CDYL2: variants seen among roughly 807,000 people sequenced by gnomAD.
The protein encoded by CDYL2 is chromodomain Y like 2.
A neutral mutation model predicts 49.4 loss-of-function variants in CDYL2; 23 were observed. The observed-to-expected ratio is 0.47, with a 90% confidence interval of 0.34 to 0.66. The LOEUF (loss-of-function observed/expected upper bound fraction) is 0.66, where lower values mean the gene tolerates loss of function less well. Among genes scored for constraint, CDYL2 ranks in the 30% least tolerant of loss-of-function variants. CDYL2 has a pLI of 0.01. For missense variants in CDYL2, 678 were observed against 656.4 expected, an observed-to-expected ratio of 1.03 and a Z score of -0.36; for synonymous variants, 360 against 268.8, an observed-to-expected ratio of 1.34 and a Z score of -3.32.
chr16:80,682,457 G>T (rs66633157), intron 2 of CDYL2, among the ~76,000 whole-genome samples: 7,133 of 152,286 alleles, frequency 0.047, 334 homozygotes, highest in African/African-American at 0.12. Flanking sequence ...AAAGCCGAAG[G>T]GTGAAGAGCA....
chr16:80,664,786 G>A (rs1421139125), intron 2 of CDYL2, among the ~76,000 whole-genome samples: 2 of 152,034 alleles, frequency 1.3e-5, no homozygotes, highest in East Asian at 1.9e-4. Flanking sequence ...ATAGACTGTA[G>A]GCAAGCTATT....
chr16:80,715,294 T>C (rs139491140), intron 1 of CDYL2, among the ~76,000 whole-genome samples: 3,016 of 152,240 alleles, frequency 0.02, 28 homozygotes, highest in African/African-American at 0.03. Flanking sequence ...GGAATCCTTG[T>C]GGGACCCGGA....
At chr16:80,655,162 T>C (rs548993388) in intron 2 of CDYL2, among the ~76,000 whole-genome samples, 4 of 152,328 alleles carry the variant, frequency 2.6e-5, no homozygotes, top group Admixed American at 2.0e-4. Flanking sequence ...GTGTCAATTA[T>C]TGAACAGTCT....
Position 80,604,527 on chromosome 16 carries a change from C to G in CDYL2, c.1382G>C (p.Cys461Ser), listed in dbSNP as rs1351166719. Residue 461 changes from cysteine to serine, a missense_variant, in exon 7 of 7, where the codon TGC becomes TCC. Cys to Ser is a moderately radical substitution (Grantham distance 112). Coordinates refer to ENST00000570137, the MANE Select transcript of CDYL2 (RefSeq NM_152342.4). ...CSAVVLEESK[C>S]LVRSFLKSVL... ...TGATTTCAGGAAGCTCCGCACGAGG[C>G]ATTTGGACTCCTCTAACACCTAGAG... is the stretch of plus-strand genomic sequence containing the variant. 3 of 1,614,108 alleles carry G rather than the reference C, an allele frequency of 1.9e-6. No individual in the cohort carries two copies. The highest frequency in any genetic ancestry group is 2.7e-5 in the African/African-American group (2 of 74,942).
intron 3 of CDYL2, among the ~76,000 whole-genome samples, chr16:80,632,383 G>C (rs946680154): frequency 6.6e-6 from 1 of 152,244 alleles, no homozygotes; most frequent in African/African-American, 2.4e-5. Flanking sequence ...GAGACAGAAA[G>C]TAGATGAGTG....
chr16:80,773,181 C>T (rs1263299425), intron 1 of CDYL2, among the ~76,000 whole-genome samples: 1 of 151,858 alleles, frequency 6.6e-6, no homozygotes, highest in Non-Finnish European at 1.5e-5. Context: ...TTTTTTAAAA[C>T]AAAAAGTTTA....
At chr16:80,611,119 A>G (rs1403676295) in intron 5 of CDYL2, among the ~76,000 whole-genome samples, 2 of 152,034 alleles carry the variant, frequency 1.3e-5, no homozygotes, top group Non-Finnish European at 2.9e-5. Context: ...CGTCTGTTCA[A>G]ATGTCACCTG....
At position 80,602,857 on chromosome 16, in the gene CDYL2, A is replaced by C. The variant is rs977949607; in HGVS notation, c.*1531T>G. On this transcript the variant is annotated 3_prime_UTR_variant, in exon 7 of 7. Transcript: ENST00000570137. Reference sequence around the variant, plus strand: ...TTCTGGGTGCTTGACCCATGGTTTAAACCTCACGCAGAACACATCCCTTCC... The same window carrying C: ...TTCTGGGTGCTTGACCCATGGTTTACACCTCACGCAGAACACATCCCTTCC... 6.6e-6 allele frequency: 1 copy of C among 152,128 alleles called. No homozygotes were observed. Among genetic ancestry groups the C allele is most frequent in the African/African-American group, 2.4e-5 (1 of 41,426 alleles). The allele number at this position is 152,128 out of a possible 1,614,324, so 9.4% of individuals were successfully genotyped here. A position where few individuals can be genotyped will look rare whatever the true frequency, so the allele number is the denominator to read the frequency against.
chr16:80,714,341 C>G (rs1904721835), intron 1 of CDYL2, among the ~76,000 whole-genome samples: 1 of 152,038 alleles, frequency 6.6e-6, no homozygotes, highest in South Asian at 2.1e-4. Flanking sequence ...TGAATGTTCC[C>G]CACACGAAGA....
At chr16:80,772,511 G>A (rs1253248145) in intron 1 of CDYL2, among the ~76,000 whole-genome samples, 1 of 152,222 alleles carries the variant, frequency 6.6e-6, no homozygotes, top group Non-Finnish European at 1.5e-5. Flanking sequence ...GGAATGCAGT[G>A]GCATGATCTC....
intron 3 of CDYL2, among the ~76,000 whole-genome samples, chr16:80,632,106 A>C (rs1907590070): frequency 6.6e-6 from 1 of 152,256 alleles, no homozygotes; most frequent in South Asian, 2.1e-4. Context: ...TTCACATAAA[A>C]ACTTGTATAT....
intron 2 of CDYL2, among the ~76,000 whole-genome samples, chr16:80,663,680 C>G (rs1909142539): frequency 6.6e-6 from 1 of 152,116 alleles, no homozygotes; most frequent in South Asian, 2.1e-4. Context: ...GCAACCTCCG[C>G]ATCCTGGGTT....
intron 1 of CDYL2, among the ~76,000 whole-genome samples, chr16:80,693,617 C>T (rs956075687): frequency 6.6e-6 from 1 of 152,160 alleles, no homozygotes; most frequent in Non-Finnish European, 1.5e-5. Flanking sequence ...AAGGAACAAA[C>T]TATTACTTGG....
chr16:80,772,836 A>C (rs1906951919), intron 1 of CDYL2, among the ~76,000 whole-genome samples: 1 of 152,226 alleles, frequency 6.6e-6, no homozygotes, highest in Non-Finnish European at 1.5e-5. Context: ...AAAAAATAAC[A>C]GAAAAAATGG....
chr16:80,798,251 C>T (rs1907826173), intron 1 of CDYL2, among the ~76,000 whole-genome samples: 2 of 152,176 alleles, frequency 1.3e-5, no homozygotes, highest in African/African-American at 4.8e-5. Flanking sequence ...CCATGTCACC[C>T]AGGCTGGTCT....
At chr16:80,751,956 T>C (rs367910517) in intron 1 of CDYL2, among the ~76,000 whole-genome samples, 1 of 152,142 alleles carries the variant, frequency 6.6e-6, no homozygotes, top group East Asian at 1.9e-4. Flanking sequence ...CAACCACCCA[T>C]GGCCTGAAAT....
At chr16:80,743,026 G>A (rs1905802230) in intron 1 of CDYL2, among the ~76,000 whole-genome samples, 1 of 138,370 alleles carries the variant, frequency 7.2e-6, no homozygotes, top group Non-Finnish European at 1.6e-5. Flanking sequence ...AAGAGGGTGG[G>A]TGGGTGGGTA....
At chr16:80,626,599 G>C (rs1174508785) in intron 3 of CDYL2, among the ~76,000 whole-genome samples, 1 of 152,182 alleles carries the variant, frequency 6.6e-6, no homozygotes, top group Non-Finnish European at 1.5e-5. Flanking sequence ...CCAATCACTG[G>C]ATTGTTAAAA....
chr16:80,656,589 C>A (rs1025144753), intron 2 of CDYL2, among the ~76,000 whole-genome samples: 1 of 152,248 alleles, frequency 6.6e-6, no homozygotes. Context: ...CTGTTCCCCT[C>A]AAGACTTCCA....
Sources: allele counts gnomAD v4.1 joint callset (sites outside exome capture counted in the v4.1 genomes callset), GRCh38; gene constraint gnomAD v4.1.1; transcripts MANE v1.5; gene names NCBI Gene and HGNC (gene_info 2026-07-23, HGNC 2026-07-21).